XKR4: variants seen among roughly 807,000 people sequenced by gnomAD.
XKR4 encodes XK-related protein 4.
XKR4 carries 12 observed loss-of-function variants against 53.9 expected under a neutral mutation model. The ratio of observed to expected loss-of-function variants is 0.22; its 90% CI spans 0.14 to 0.36. The LOEUF (loss-of-function observed/expected upper bound fraction) is 0.36, where lower values mean the gene tolerates loss of function less well. XKR4 is among the 10% of genes least tolerant of loss of function. The pLI is 1.00. For missense variants in XKR4, 799 were observed against 859.5 expected, an observed-to-expected ratio of 0.93 and a Z score of 0.88; for synonymous variants, 354 against 362.4, an observed-to-expected ratio of 0.98 and a Z score of 0.26.
intron 2 of XKR4, among the ~76,000 whole-genome samples, chr8:55,502,168 T>G (rs1377978106): frequency 6.6e-6 from 1 of 152,218 alleles, no homozygotes; most frequent in Non-Finnish European, 1.5e-5. Flanking sequence ...ATTTTTTCAA[T>G]GTTTTTCAAA....
chr8:55,425,663 T>A (rs898437985), intron 2 of XKR4, among the ~76,000 whole-genome samples: 1 of 152,158 alleles, frequency 6.6e-6, no homozygotes, highest in Non-Finnish European at 1.5e-5. Context: ...GTGAGAAACC[T>A]GGGTGGTCCC....
At chr8:55,381,124 A>G (rs1054804012) in intron 2 of XKR4, among the ~76,000 whole-genome samples, 1 of 152,218 alleles carries the variant, frequency 6.6e-6, no homozygotes, top group Non-Finnish European at 1.5e-5. Flanking sequence ...GGAATAAAAA[A>G]TCCAGATTTA....
chr8:55,499,724 ATACTAATTTGGTC>A (rs1806407428), intron 2 of XKR4, among the ~76,000 whole-genome samples: 1 of 152,188 alleles, frequency 6.6e-6, no homozygotes, highest in Admixed American at 6.5e-5. Context: ...CACACTAATA[ATACTAATTTGGTC>A]TTTATTTTTA....
At chr8:55,333,260 G>T (rs1366432053) in intron 1 of XKR4, among the ~76,000 whole-genome samples, 3 of 151,986 alleles carry the variant, frequency 2.0e-5, no homozygotes, top group Non-Finnish European at 2.9e-5. Flanking sequence ...TTTATTTTGT[G>T]CCATTGAATT....
chr8:55,453,700 G>C lies in XKR4; in HGVS notation c.1007-69581G>C, dbSNP rs1563354640. 1.4e-4 allele frequency: 54 copies of C among 395,898 alleles called. 1 individual carries two copies. Among genetic ancestry groups the C allele is most frequent in the South Asian group, 1.1e-3 (52 of 48,784 alleles). The allele number at this position is 395,898 out of a possible 1,614,324, so 24.5% of individuals were successfully genotyped here. ...GGGGCGCCCATCTCAGGTGGCTGCT[G>C]TCACCCGGCCTCTGCATGTTGTGCA... On this transcript the variant is annotated intron_variant, in intron 2 of 2. Transcript: ENST00000327381.
At chr8:55,522,433 T>C (rs1233186772) in intron 2 of XKR4, among the ~76,000 whole-genome samples, 1 of 152,202 alleles carries the variant, frequency 6.6e-6, no homozygotes, top group African/African-American at 2.4e-5. Context: ...TAGGACAAAC[T>C]GTGCACCAGG....
At chr8:55,505,338 G>A (rs935266933) in intron 2 of XKR4, among the ~76,000 whole-genome samples, 6 of 152,042 alleles carry the variant, frequency 3.9e-5, no homozygotes, top group African/African-American at 1.5e-4. Flanking sequence ...TTAAGAGTAT[G>A]TTGTTTAAGC....
At chr8:55,331,776 T>C (rs1041389415) in intron 1 of XKR4, among the ~76,000 whole-genome samples, 20 of 152,126 alleles carry the variant, frequency 1.3e-4, no homozygotes, top group Admixed American at 1.2e-3. Flanking sequence ...CCTACCCTCT[T>C]TTGGTTACTG....
chr8:55,448,153 C>T (rs150546851), intron 2 of XKR4, among the ~76,000 whole-genome samples: 47 of 152,296 alleles, frequency 3.1e-4, no homozygotes, highest in African/African-American at 1.0e-3. Context: ...TGCCAGGAAT[C>T]GATTTCCTCT....
intron 2 of XKR4, among the ~76,000 whole-genome samples, chr8:55,478,705 A>T (rs1392934759): frequency 6.6e-6 from 1 of 152,162 alleles, no homozygotes; most frequent in Admixed American, 6.5e-5. Context: ...ATGGAGGAAG[A>T]TCTACCAAGC....
chr8:55,129,356 C>T (rs1303491378), intron 1 of XKR4, among the ~76,000 whole-genome samples: 3 of 152,182 alleles, frequency 2.0e-5, no homozygotes, highest in Admixed American at 1.3e-4. Flanking sequence ...TCCTGCAGGT[C>T]GGGTGCCGGG....
chr8:55,105,466 C>T (rs1816129971), intron 1 of XKR4, among the ~76,000 whole-genome samples: 1 of 152,130 alleles, frequency 6.6e-6, no homozygotes, highest in African/African-American at 2.4e-5. Flanking sequence ...ACTGTGGTCA[C>T]ACATGGCTCC....
At chr8:55,122,285 T>C (rs1455586340) in intron 1 of XKR4, among the ~76,000 whole-genome samples, 2 of 152,208 alleles carry the variant, frequency 1.3e-5, no homozygotes, top group African/African-American at 4.8e-5. Context: ...AGAAATGTCT[T>C]TTCATTTTGC....
intron 2 of XKR4, among the ~76,000 whole-genome samples, chr8:55,363,092 C>T (rs550497895): frequency 1.3e-5 from 2 of 152,298 alleles, no homozygotes; most frequent in South Asian, 2.1e-4. Context: ...GCCAATCCAC[C>T]AACCTAAATG....
intron 2 of XKR4, among the ~76,000 whole-genome samples, chr8:55,499,804 T>A (rs1179963938): frequency 6.6e-6 from 1 of 152,166 alleles, no homozygotes; most frequent in Non-Finnish European, 1.5e-5. Flanking sequence ...AGCAAACAGT[T>A]CTCCTTTCTG....
intron 2 of XKR4, among the ~76,000 whole-genome samples, chr8:55,416,792 A>T (rs118138325): frequency 0.022 from 3,396 of 152,234 alleles, 55 homozygotes; most frequent in Middle Eastern, 0.045. Flanking sequence ...TACCACAGCG[A>T]TTCTCTATGA....
At chr8:55,276,103 G>C (rs929207903) in intron 1 of XKR4, among the ~76,000 whole-genome samples, 1 of 151,762 alleles carries the variant, frequency 6.6e-6, no homozygotes, top group Non-Finnish European at 1.5e-5. Context: ...TCTTACTAGA[G>C]AGACTGAAAT....
At chr8:55,422,205 A>G (rs529388349) in intron 2 of XKR4, among the ~76,000 whole-genome samples, 3 of 152,380 alleles carry the variant, frequency 2.0e-5, no homozygotes, top group African/African-American at 7.2e-5. Flanking sequence ...GCAGATATTC[A>G]TCACCTACAA....
intron 1 of XKR4, among the ~76,000 whole-genome samples, chr8:55,220,929 G>A (rs1444158349): frequency 2.0e-5 from 3 of 152,226 alleles, no homozygotes; most frequent in Non-Finnish European, 2.9e-5. Flanking sequence ...CAGGCTCCAC[G>A]TTCGTGGTAG....
Sources: gnomAD v4.1 joint callset for allele counts (sites outside exome capture counted in the v4.1 genomes callset) on GRCh38, gnomAD v4.1.1 for gene constraint, MANE v1.5 for transcripts, NCBI Gene and HGNC (gene_info 2026-07-23, HGNC 2026-07-21) for gene names.